SLC25A26: variants seen among roughly 807,000 people sequenced by gnomAD.
The protein encoded by SLC25A26 is solute carrier family 25 member 26.
SLC25A26 carries 36 observed loss-of-function variants against 37.8 expected under a neutral mutation model. The ratio of observed to expected loss-of-function variants is 0.95; its 90% CI spans 0.73 to 1.26. The LOEUF is 1.26. Ranked by LOEUF, SLC25A26 falls within the 50% of genes most tolerant of loss-of-function variation. The pLI is 0.00. For missense variants in SLC25A26, 390 were observed against 331.1 expected (o/e 1.18, Z -1.38); for synonymous variants, 129 against 122.5 (o/e 1.05, Z -0.35).
intron 1 of SLC25A26, among the ~76,000 whole-genome samples, chr3:66,196,416 C>G (rs1042943785): frequency 7.6e-4 from 115 of 152,188 alleles, no homozygotes; most frequent in Non-Finnish European, 1.0e-3. Context: ...GAATGCACAC[C>G]ACTGGGAACT....
intron 5 of SLC25A26, among the ~76,000 whole-genome samples, chr3:66,322,278 T>C (rs2075716056): frequency 1.3e-5 from 2 of 152,212 alleles, no homozygotes; most frequent in African/African-American, 4.8e-5. Flanking sequence ...TTTTAAAATA[T>C]AGGACACTTT....
intron 3 of SLC25A26, among the ~76,000 whole-genome samples, chr3:66,244,117 AT>A (rs2107120994): frequency 6.6e-6 from 1 of 152,262 alleles, no homozygotes; most frequent in South Asian, 2.1e-4. Context: ...TACTGGTCAA[AT>A]CTCTATAATC....
intron 5 of SLC25A26, among the ~76,000 whole-genome samples, chr3:66,317,000 C>A (rs1250152311): frequency 1.3e-5 from 2 of 152,140 alleles, no homozygotes; most frequent in South Asian, 2.1e-4. Flanking sequence ...TTAACAGGTC[C>A]TGTAATGTTT....
chr3:66,150,673 C>G (rs1187361823), intron 1 of SLC25A26, among the ~76,000 whole-genome samples: 1 of 104,476 alleles, frequency 9.6e-6, no homozygotes, highest in Admixed American at 1.2e-4. Flanking sequence ...CTTGGAGGAG[C>G]AGTAATTAAC....
intron 6 of SLC25A26, among the ~76,000 whole-genome samples, chr3:66,356,808 T>C (rs983361278): frequency 6.6e-6 from 1 of 152,078 alleles, no homozygotes; most frequent in Non-Finnish European, 1.5e-5. Context: ...TTAAATTTTT[T>C]TGTAGAGACA....
chr3:66,229,997 A>T (rs1276790216), intron 1 of SLC25A26, among the ~76,000 whole-genome samples: 2 of 152,248 alleles, frequency 1.3e-5, no homozygotes, highest in Non-Finnish European at 2.9e-5. Context: ...ATAGCAGCAG[A>T]TAGCTGACCC....
At chr3:66,262,619 G>A (rs1343893835) in intron 4 of SLC25A26, among the ~76,000 whole-genome samples, 1 of 152,158 alleles carries the variant, frequency 6.6e-6, no homozygotes, top group African/African-American at 2.4e-5. Flanking sequence ...TGACTAGAGA[G>A]CATTTAGCTG....
At chr3:66,298,167 G>A (rs1257965301) in intron 5 of SLC25A26, among the ~76,000 whole-genome samples, 8 of 152,162 alleles carry the variant, frequency 5.3e-5, no homozygotes, top group Non-Finnish European at 1.0e-4. Flanking sequence ...ATTCTGAAGT[G>A]TGAGAACCAC....
At chr3:66,351,612 G>T (rs1375414691) in intron 6 of SLC25A26, among the ~76,000 whole-genome samples, 4 of 152,090 alleles carry the variant, frequency 2.6e-5, no homozygotes, top group African/African-American at 9.7e-5. Context: ...ATCACCAGCT[G>T]CCTAGTTGAC....
intron 1 of SLC25A26, among the ~76,000 whole-genome samples, chr3:66,172,358 C>T (rs1054283103): frequency 3.2e-4 from 44 of 136,158 alleles, no homozygotes; most frequent in African/African-American, 1.1e-3. Flanking sequence ...CTGCAGTGAG[C>T]CATGTTTGCA....
At chr3:66,309,527 T>C (rs1042861885) in intron 5 of SLC25A26, among the ~76,000 whole-genome samples, 2 of 152,150 alleles carry the variant, frequency 1.3e-5, no homozygotes, top group Admixed American at 1.3e-4. Flanking sequence ...TGATCTTAAT[T>C]ATTTCTTGTC....
intron 1 of SLC25A26, among the ~76,000 whole-genome samples, chr3:66,172,165 C>G (rs191730865): frequency 6.6e-6 from 1 of 152,080 alleles, no homozygotes; most frequent in East Asian, 1.9e-4. Context: ...AATCTTAGCA[C>G]TTTAGAAGGT....
intron 5 of SLC25A26, among the ~76,000 whole-genome samples, chr3:66,336,523 C>G (rs2076095646): frequency 6.6e-6 from 1 of 152,060 alleles, no homozygotes; most frequent in South Asian, 2.1e-4. Flanking sequence ...GTTTCCTGAC[C>G]CTGTGCGAGT....
At chr3:66,162,793 G>A (rs1384067680) in intron 1 of SLC25A26, among the ~76,000 whole-genome samples, 1 of 152,210 alleles carries the variant, frequency 6.6e-6, no homozygotes, top group Non-Finnish European at 1.5e-5. Flanking sequence ...GAGGTGGTGA[G>A]GATAATAAGA....
intron 6 of SLC25A26, among the ~76,000 whole-genome samples, chr3:66,353,140 T>C (rs1299977047): frequency 6.6e-6 from 1 of 152,218 alleles, no homozygotes; most frequent in African/African-American, 2.4e-5. Context: ...GAAGCAGGGC[T>C]CAATAAGGTT....
chr3:66,274,360 A>T (rs1372846277), intron 5 of SLC25A26, among the ~76,000 whole-genome samples: 2 of 151,986 alleles, frequency 1.3e-5, no homozygotes, highest in Non-Finnish European at 2.9e-5. Context: ...CATGTCTAAA[A>T]CACCAAAAGC....
In SLC25A26 at chr3:66,179,794, C is replaced by A. The variant is rs373475280; in HGVS notation, c.-353-40948C>A. On this transcript the variant is annotated intron_variant, in intron 1 of 10. Coordinates refer to the SLC25A26 transcript ENST00000676754. The stretch of plus-strand genomic sequence containing the variant: ...TAAATCCAGAGTTTGGAGTCTTGTG[C>A]ATGGCTGCAACTTGGTATTATTTAG... 7.9e-5 allele frequency among the ~76,000 whole-genome samples: 12 copies of A among 152,072 alleles called. No homozygotes were observed. The South Asian group carries it at 2.5e-3, about 32-fold the overall frequency.
intron 1 of SLC25A26, among the ~76,000 whole-genome samples, chr3:66,146,667 C>G (rs1446630544): frequency 2.0e-5 from 3 of 152,124 alleles, no homozygotes; most frequent in Non-Finnish European, 4.4e-5. Context: ...TGGCTATAAA[C>G]AGATGGCACA....
chr3:66,246,459 G>A (rs967961603), intron 3 of SLC25A26, among the ~76,000 whole-genome samples: 8 of 152,102 alleles, frequency 5.3e-5, no homozygotes, highest in Non-Finnish European at 7.4e-5. Context: ...GTAGAAAGTC[G>A]TTTATATTCT....
Sources: allele counts gnomAD v4.1 joint callset (sites outside exome capture counted in the v4.1 genomes callset), GRCh38; gene constraint gnomAD v4.1.1; transcripts MANE v1.5; gene names NCBI Gene and HGNC (gene_info 2026-07-23, HGNC 2026-07-21).